SEC14L5: variants seen among roughly 807,000 people sequenced by gnomAD.
SEC14L5 encodes SEC14-like protein 5.
In SEC14L5, 96 loss-of-function variants were observed where a neutral mutation model predicts 84.6. The ratio of observed to expected loss-of-function variants is 1.13; its 90% CI spans 0.96 to 1.34. The LOEUF (loss-of-function observed/expected upper bound fraction) is 1.34, where lower values mean the gene tolerates loss of function less well. SEC14L5 is among the 40% of genes most tolerant of loss of function. SEC14L5 has a pLI of 0.00. For missense variants in SEC14L5, 1,224 were observed against 942.5 expected (o/e 1.30, Z -3.91); for synonymous variants, 546 against 383.4 (o/e 1.42, Z -4.95).
At chr16:5,008,390 T>A in intron 13 of SEC14L5, 31 bp from the exon 14 acceptor site, 2 of 1,530,518 alleles carry the variant, frequency 1.3e-6, no homozygotes, top group Non-Finnish European at 1.8e-6. Flanking sequence ...CTCTCGGCCG[T>A]GACTCTCAGA....
chr16:4,985,100 G>C (rs1309564486), intron 2 of SEC14L5, among the ~76,000 whole-genome samples: 3 of 152,042 alleles, frequency 2.0e-5, no homozygotes, highest in African/African-American at 4.8e-5. Flanking sequence ...TTTATTGTTT[G>C]TGCTTTTGAT....
intron 4 of SEC14L5, among the ~76,000 whole-genome samples, chr16:4,989,701 G>A (rs1260452362): frequency 6.6e-6 from 1 of 152,152 alleles, no homozygotes; most frequent in Non-Finnish European, 1.5e-5. Context: ...CAGGAGCTTG[G>A]GCTCAGGGTG....
rs1955796506 is a variant in SEC14L5 at position 5,011,156 on chromosome 16, C to T, written c.1862C>T (p.Pro621Leu). 1 of 1,612,714 alleles carries T rather than the reference C, an allele frequency of 6.2e-7. No homozygotes were observed. The highest frequency in any genetic ancestry group is 1.7e-5 in the Admixed American group (1 of 59,832). The change falls in exon 15 of 16, where the codon CCC (proline) becomes CTC (leucine). Residue 621 changes from proline (P) to leucine (L), a missense_variant. Transcript: ENST00000251170. Reference protein sequence around the residue: ...YLLQWQMHSPPSSVACSLPGV... With the variant: ...YLLQWQMHSPLSSVACSLPGV... Reference sequence around the variant, plus strand: ...CTCCAGTGGCAAATGCACAGCCCCCCCAGCAGCGTGGCCTGCAGCCTCCCG... The same window carrying T: ...CTCCAGTGGCAAATGCACAGCCCCCTCAGCAGCGTGGCCTGCAGCCTCCCG...
chr16:5,006,040 G>C lies in SEC14L5; in HGVS notation c.1429G>C (p.Glu477Gln). The change falls in exon 12 of 16, where the codon GAG becomes CAG. Residue 477 changes from glutamate to glutamine, a missense_variant. Transcript: ENST00000251170. ...AGTGATCCCTGACTTCCTTGGGGGA[G>C]AGAGTGTGGTGAGGCTTCCATGTCC... is the stretch of plus-strand genomic sequence containing the variant. ...REVIPDFLGG[E>Q]SVCNVPEGGL... The C allele has an allele frequency of 6.2e-7, 1 of 1,613,700 alleles. No individual in the cohort carries two copies. The highest frequency in any genetic ancestry group is 8.5e-7 in the Non-Finnish European group (1 of 1,179,740).
intron 8 of SEC14L5, among the ~76,000 whole-genome samples, chr16:5,000,276 G>A (rs1255095151): frequency 6.6e-6 from 1 of 152,196 alleles, no homozygotes; most frequent in South Asian, 2.1e-4. Context: ...GGGTGACAGA[G>A]CAAGACTCTG....
At position 5,013,550 on chromosome 16, in the gene SEC14L5, CTTTTTTT is replaced by C. The variant is rs869041446; in HGVS notation, c.1980-1290_1980-1284del. ...TATAGGCATGGGCTAGCTTGCCTGG[CTTTTTTT>C]TTTTTTTTTTTTTTTTTTGGAGACA... On this transcript the variant is annotated intron_variant, in intron 15 of 15. Transcript: ENST00000251170. 1.1e-4 allele frequency among the ~76,000 whole-genome samples: 5 copies of C among 44,960 alleles called. No homozygotes were observed. In the East Asian group the frequency reaches 2.1e-3, roughly 19 times the overall value. The allele number at this position is 44,960 out of a possible 152,430, so 29.5% of individuals were successfully genotyped here. A position where few individuals can be genotyped will look rare whatever the true frequency, so the allele number is the denominator to read the frequency against.
At chr16:4,993,024 A>C (rs1449876947) in intron 6 of SEC14L5, among the ~76,000 whole-genome samples, 1 of 151,062 alleles carries the variant, frequency 6.6e-6, no homozygotes, top group African/African-American at 2.5e-5. Context: ...TGGTTGCACC[A>C]TAACTAATTT....
intron 6 of SEC14L5, among the ~76,000 whole-genome samples, chr16:4,994,644 C>T (rs796822174): frequency 6.6e-5 from 10 of 152,120 alleles, no homozygotes; most frequent in South Asian, 6.2e-4. Flanking sequence ...TATTCTGCAC[C>T]GACTGTGTGT....
Position 5,015,101 on chromosome 16 carries a change from G to C in SEC14L5, c.*131G>C, listed in dbSNP as rs1457269139. 6 of 687,344 alleles carry C rather than the reference G, an allele frequency of 8.7e-6. No individual in the cohort carries two copies. The East Asian group carries it at 1.1e-4, about 12-fold the overall frequency. The allele number at this position is 687,344 out of a possible 1,614,324, so 42.6% of individuals were successfully genotyped here. On this transcript the variant is annotated 3_prime_UTR_variant, in exon 16 of 16. Coordinates refer to ENST00000251170, the MANE Select transcript of SEC14L5 (RefSeq NM_014692.2). ...CAGGCCTAGATGCTGCCCAAGTTGG[G>C]GTGTCTGGAGCGGATGGCAAGGATC...
chr16:4,983,539 T>C (rs1055978729), intron 2 of SEC14L5, among the ~76,000 whole-genome samples: 2 of 150,066 alleles, frequency 1.3e-5, no homozygotes, highest in African/African-American at 4.9e-5. Flanking sequence ...TATATTTATA[T>C]TAACATATAT....
Position 4,984,551 on chromosome 16 carries a change from A to G in SEC14L5, c.64-3006A>G, listed in dbSNP as rs568528760. Among the ~76,000 whole-genome samples the G allele has an allele frequency of 2.0e-3, 304 of 152,300 alleles. 2 individuals are homozygous for G. The highest frequency in any genetic ancestry group is 6.7e-3 in the African/African-American group (278 of 41,564). ...TTTCATTTCTCTTGGGTACATACCTATGAGTGGAATTGCTGGATCATATGG... is the reference window on the plus strand; with the variant it reads ...TTTCATTTCTCTTGGGTACATACCTGTGAGTGGAATTGCTGGATCATATGG... On this transcript the variant is annotated intron_variant, in intron 2 of 15. Transcript: ENST00000251170.
At chr16:4,977,279 T>A (rs1353050746) in intron 2 of SEC14L5, among the ~76,000 whole-genome samples, 3 of 151,706 alleles carry the variant, frequency 2.0e-5, no homozygotes, top group Admixed American at 6.6e-5. Context: ...AAACCCCATC[T>A]CTACTAAAAG....
At position 5,015,495 on chromosome 16, in the gene SEC14L5, C is replaced by A. The variant is rs551061674; in HGVS notation, c.*525C>A. Reference sequence around the variant, plus strand: ...CAGTTGCCAGGCACACTGGAGAATGCTGATTGGCCAGCAGGGTCATGCCCA... The same window carrying A: ...CAGTTGCCAGGCACACTGGAGAATGATGATTGGCCAGCAGGGTCATGCCCA... On this transcript the variant is annotated 3_prime_UTR_variant, in exon 16 of 16. Transcript: ENST00000251170. The A allele has an allele frequency of 6.4e-6, 1 of 156,220 alleles. No individual in the cohort carries two copies. Among genetic ancestry groups the A allele is most frequent in the Admixed American group, 6.1e-5 (1 of 16,322 alleles). The allele number at this position is 156,220 out of a possible 1,614,324, so 9.7% of individuals were successfully genotyped here.
chr16:4,963,392 T>C (rs1466367083), intron 2 of SEC14L5, among the ~76,000 whole-genome samples: 2 of 152,134 alleles, frequency 1.3e-5, no homozygotes, highest in Non-Finnish European at 2.9e-5. Flanking sequence ...GTCATCTAGG[T>C]TGGAGTGCAG....
In SEC14L5 at chr16:5,016,760, C is replaced by G. The variant is rs1358057212; in HGVS notation, c.*1790C>G. On this transcript the variant is annotated 3_prime_UTR_variant, in exon 16 of 16. Transcript: ENST00000251170. ...ATCTACGCCAGCCTCAACCCCAAAC[C>G]CAAGGAAGAGAGAAAGTGTCATCTT... 6.6e-6 allele frequency: 1 copy of G among 152,208 alleles called. No individual in the cohort carries two copies. The highest frequency in any genetic ancestry group is 2.4e-5 in the African/African-American group (1 of 41,450). The allele number at this position is 152,208 out of a possible 1,614,324, so 9.4% of individuals were successfully genotyped here.
At position 5,008,437 on chromosome 16, in the gene SEC14L5, TGGAA is replaced by T; in HGVS notation, c.1593_1596del (p.Gly532SerfsTer41). The T allele has an allele frequency of 6.2e-7, 1 of 1,612,958 alleles. No homozygotes were observed. The highest frequency in any genetic ancestry group is 8.5e-7 in the Non-Finnish European group (1 of 1,179,500). On this transcript the variant is annotated frameshift_variant, in exon 14 of 16. Transcript: ENST00000251170. LOFTEE classifies it high-confidence loss of function. ...TCCACACAGGTGGCCGTGGAGATCCTGGAAGGAGAGTCGGTCATCACCTGGGACT... is the reference window on the plus strand; with the variant it reads ...TCCACACAGGTGGCCGTGGAGATCCTGGAGAGTCGGTCATCACCTGGGACT...
At position 4,987,497 on chromosome 16, in the gene SEC14L5, T is replaced by TGGGGG. The variant is rs549895041; in HGVS notation, c.64-53_64-49dup. 3.2e-5 allele frequency: 37 copies of TGGGGG among 1,142,468 alleles called. No homozygotes were observed. The African/African-American group carries it at 6.1e-4, about 19-fold the overall frequency. 70.8% of individuals were successfully genotyped at this position (1,142,468 alleles called of 1,614,324 possible). A position where few individuals can be genotyped will look rare whatever the true frequency, so the allele number is the denominator to read the frequency against. On this transcript the variant is annotated intron_variant, in intron 2 of 15. Coordinates refer to ENST00000251170, the MANE Select transcript of SEC14L5 (RefSeq NM_014692.2). ...GACACAGCAGATAAGGAGGTCGCGC[T>TGGGGG]GGGGGGGGGGGTCCCTCTGCCCCCC...
At chr16:4,985,566 C>G (rs929568772) in intron 2 of SEC14L5, among the ~76,000 whole-genome samples, 1 of 152,012 alleles carries the variant, frequency 6.6e-6, no homozygotes, top group Non-Finnish European at 1.5e-5. Context: ...CCAATTGTCC[C>G]GGCACCATTT....
chr16:4,989,326 TG>T (rs748434617), intron 4 of SEC14L5, among the ~76,000 whole-genome samples: 131 of 45,256 alleles, frequency 2.9e-3, no homozygotes, highest in East Asian at 0.02. Flanking sequence ...TTGTTTGTTT[TG>T]TTTTTTTTTT....
Sources: allele counts gnomAD v4.1 joint callset (sites outside exome capture counted in the v4.1 genomes callset), GRCh38; gene constraint gnomAD v4.1.1; transcripts MANE v1.5; gene names NCBI Gene and HGNC (gene_info 2026-07-23, HGNC 2026-07-21).